Variants in SSBP3 observed in about 807,000 individuals in gnomAD.
SSBP3 encodes single stranded DNA binding protein 3.
Under a neutral mutation model 69.6 loss-of-function variants are expected in SSBP3, and 5 were observed. The observed-to-expected ratio is 0.07, with a 90% CI of 0.04 to 0.15. SSBP3 has a LOEUF of 0.15. Among genes scored for constraint, SSBP3 ranks in the 10% least tolerant of loss-of-function variants. The pLI is 1.00. For missense variants in SSBP3, 312 were observed against 534.0 expected (o/e 0.58, Z 4.10); for synonymous variants, 196 against 193.4 (o/e 1.01, Z -0.11).
At chr1:54,274,801 A>G (rs1413187294) in intron 5 of SSBP3, among the ~76,000 whole-genome samples, 1 of 151,920 alleles carries the variant, frequency 6.6e-6, no homozygotes, top group East Asian at 1.9e-4. Flanking sequence ...GCTCTCCCCA[A>G]CTTTAAGTCC....
At chr1:54,293,838 C>A (rs1358666200) in intron 4 of SSBP3, among the ~76,000 whole-genome samples, 1 of 152,170 alleles carries the variant, frequency 6.6e-6, no homozygotes, top group Non-Finnish European at 1.5e-5. Flanking sequence ...AAAATTCTTG[C>A]AGAAATCCTG....
chr1:54,279,040 A>G (rs1645342569), intron 5 of SSBP3, among the ~76,000 whole-genome samples: 1 of 152,208 alleles, frequency 6.6e-6, no homozygotes, highest in Non-Finnish European at 1.5e-5. Flanking sequence ...AGGAAGGATC[A>G]GGCCAGGTAC....
chr1:54,257,215 C>T (rs377240726), intron 6 of SSBP3, 29 bp from the exon 7 acceptor site: 8 of 1,579,816 alleles, frequency 5.1e-6, no homozygotes, highest in Non-Finnish European at 6.9e-6. Context: ...AGTTCAATGA[C>T]AGCCTGCCCT....
intron 4 of SSBP3, among the ~76,000 whole-genome samples, chr1:54,322,910 G>C (rs181627712): frequency 2.4e-4 from 37 of 152,304 alleles, no homozygotes; most frequent in Non-Finnish European, 4.9e-4. Context: ...GCACTTACAG[G>C]GGGGCTGGGA....
chr1:54,341,871 GA>G (rs1321273084), intron 4 of SSBP3, among the ~76,000 whole-genome samples: 1 of 152,078 alleles, frequency 6.6e-6, no homozygotes, highest in Admixed American at 6.5e-5. Flanking sequence ...GAGGGGGAGA[GA>G]AGCACCTTCC....
At chr1:54,348,132 G>A (rs947060528) in intron 4 of SSBP3, among the ~76,000 whole-genome samples, 1 of 150,948 alleles carries the variant, frequency 6.6e-6, no homozygotes. Context: ...TGGGGACAGA[G>A]ACACAAAGTC....
chr1:54,301,210 C>T (rs879396345), intron 4 of SSBP3, among the ~76,000 whole-genome samples: 1 of 152,206 alleles, frequency 6.6e-6, no homozygotes, highest in African/African-American at 2.4e-5. Context: ...TATTAATTCT[C>T]TGCCAACAGT....
At chr1:54,340,538 C>T (rs1646589278) in intron 4 of SSBP3, among the ~76,000 whole-genome samples, 1 of 152,210 alleles carries the variant, frequency 6.6e-6, no homozygotes, top group African/African-American at 2.4e-5. Flanking sequence ...CAAGTCCACG[C>T]ACAGCAAGGA....
rs767938732 is a variant in SSBP3 at position 54,257,110 on chromosome 1, A to T, written c.507+17T>A. 46 of 1,597,018 alleles carry T rather than the reference A, an allele frequency of 2.9e-5. No individual in the cohort carries two copies. The highest frequency in any genetic ancestry group is 3.7e-5 in the Non-Finnish European group (44 of 1,174,132). ...ATGGCTGAGGGAGGGGAGAGAGAAC[A>T]TGAAAAGGTACAGTACCTGGTTTCC... On this transcript the variant is annotated intron_variant, in intron 7 of 17. Transcript: ENST00000610401.
chr1:54,408,142 C>A (rs1054712658), upstream of SSBP3, among the ~76,000 whole-genome samples: 1 of 152,070 alleles, frequency 6.6e-6, no homozygotes, highest in Non-Finnish European at 1.5e-5. Flanking sequence ...CAGGACCCAG[C>A]GCTCACAGGG....
chr1:54,391,866 C>G (rs74073610), intron 4 of SSBP3, among the ~76,000 whole-genome samples: 1,602 of 152,202 alleles, frequency 0.011, 28 homozygotes, highest in African/African-American at 0.037. Flanking sequence ...CCACGGGGGG[C>G]AAGGAACCCC....
intron 4 of SSBP3, among the ~76,000 whole-genome samples, chr1:54,381,123 G>A (rs1252185837): frequency 3.9e-5 from 6 of 151,956 alleles, no homozygotes; most frequent in Non-Finnish European, 5.9e-5. Flanking sequence ...GGTGACTCAC[G>A]CCTGTAATCC....
intron 4 of SSBP3, among the ~76,000 whole-genome samples, chr1:54,393,660 G>T (rs373626002): frequency 3.9e-5 from 6 of 152,270 alleles, no homozygotes; most frequent in African/African-American, 1.4e-4. Context: ...AAAGAAAAAT[G>T]ACAGCACACA....
At chr1:54,335,109 C>G (rs1646486269) in intron 4 of SSBP3, among the ~76,000 whole-genome samples, 2 of 152,288 alleles carry the variant, frequency 1.3e-5, no homozygotes, top group South Asian at 4.1e-4. Context: ...AGGGCCTCAG[C>G]CAGCTCTGCC....
intron 4 of SSBP3, among the ~76,000 whole-genome samples, chr1:54,309,124 A>C (rs995441587): frequency 2.0e-5 from 3 of 152,226 alleles, no homozygotes. Flanking sequence ...AACGGAACAC[A>C]CCAATTTCAG....
chr1:54,325,885 T>C (rs1275625597), intron 4 of SSBP3, among the ~76,000 whole-genome samples: 2 of 152,168 alleles, frequency 1.3e-5, no homozygotes, highest in Non-Finnish European at 2.9e-5. Context: ...GTGGCAAAGA[T>C]AATCAAAGGG....
intron 4 of SSBP3, among the ~76,000 whole-genome samples, chr1:54,369,148 G>C (rs751369361): frequency 1.1e-4 from 17 of 151,174 alleles, no homozygotes; most frequent in Middle Eastern, 3.4e-3. Context: ...TGTCCTGTGT[G>C]GTCCTTCCAA....
intron 14 of SSBP3, among the ~76,000 whole-genome samples, chr1:54,229,193 G>C (rs569793060): frequency 2.0e-5 from 3 of 152,316 alleles, no homozygotes; most frequent in African/African-American, 4.8e-5. Context: ...ACAGCTCTCC[G>C]ACCATGTCAG....
upstream of SSBP3, among the ~76,000 whole-genome samples, chr1:54,410,244 G>A (rs1172532073): frequency 6.6e-6 from 1 of 152,198 alleles, no homozygotes; most frequent in African/African-American, 2.4e-5. Flanking sequence ...AGGCTAGAAG[G>A]GCCGCTCCTT....
Sources: allele counts gnomAD v4.1 joint callset (sites outside exome capture counted in the v4.1 genomes callset), GRCh38; gene constraint gnomAD v4.1.1; transcripts MANE v1.5; gene names NCBI Gene and HGNC (gene_info 2026-07-23, HGNC 2026-07-21).